YES1: variants seen among roughly 807,000 people sequenced by gnomAD.
The protein encoded by YES1 is tyrosine-protein kinase Yes.
YES1 carries 39 observed loss-of-function variants against 70.4 expected under a neutral mutation model. That is an observed-to-expected ratio of 0.55 (90% CI 0.43 to 0.72). YES1 has a LOEUF of 0.72. Ranked by LOEUF, YES1 falls within the 30% of genes least tolerant of loss-of-function variation. YES1 has a pLI of 0.00. For missense variants in YES1, 495 were observed against 644.8 expected (o/e 0.77, Z 2.52); for synonymous variants, 198 against 218.6 (o/e 0.91, Z 0.83).
At chr18:768,159 C>T (rs1190648174) in intron 1 of YES1, among the ~76,000 whole-genome samples, 1 of 152,198 alleles carries the variant, frequency 6.6e-6, no homozygotes, top group African/African-American at 2.4e-5. Context: ...ACGCACAACA[C>T]ACTAAGTGTG....
At chr18:805,169 T>C (rs1390267499) in intron 1 of YES1, among the ~76,000 whole-genome samples, 1 of 152,146 alleles carries the variant, frequency 6.6e-6, no homozygotes, top group Admixed American at 6.5e-5. Flanking sequence ...GTGAACACTC[T>C]AGAGTGTACT....
chr18:792,585 G>GTA (rs1318360406), intron 1 of YES1, among the ~76,000 whole-genome samples: 6 of 140,150 alleles, frequency 4.3e-5, no homozygotes, highest in Non-Finnish European at 6.2e-5. Context: ...GTGTGTGTGT[G>GTA]TATATACATA....
intron 11 of YES1, among the ~76,000 whole-genome samples, chr18:732,454 A>AC (rs1568184789): frequency 1.4e-5 from 2 of 146,656 alleles, no homozygotes; most frequent in East Asian, 2.0e-4. Context: ...AAAAAAAAAA[A>AC]AAACAAAACA....
chr18:732,127 A>G (rs2080097542), intron 11 of YES1, among the ~76,000 whole-genome samples: 1 of 151,794 alleles, frequency 6.6e-6, no homozygotes, highest in African/African-American at 2.4e-5. Context: ...GAAGAAAACA[A>G]GGCAAGTACA....
chr18:735,161 CAA>C (rs71174281), intron 10 of YES1, among the ~76,000 whole-genome samples: 3 of 110,646 alleles, frequency 2.7e-5, no homozygotes, highest in Admixed American at 9.9e-5. Flanking sequence ...TGTCTCAAAG[CAA>C]AAAAAAAAAA....
At chr18:753,104 C>T (rs1288725281) in intron 2 of YES1, among the ~76,000 whole-genome samples, 2 of 152,008 alleles carry the variant, frequency 1.3e-5, no homozygotes, top group South Asian at 2.1e-4. Flanking sequence ...CAGATGTATA[C>T]AATATGCATG....
intron 1 of YES1, among the ~76,000 whole-genome samples, chr18:797,565 C>T (rs1490279362): frequency 6.6e-6 from 1 of 152,204 alleles, no homozygotes; most frequent in African/African-American, 2.4e-5. Context: ...GTACCACTGA[C>T]AATGACCTAT....
chr18:777,958 C>A (rs1568210934), intron 1 of YES1, among the ~76,000 whole-genome samples: 1 of 152,136 alleles, frequency 6.6e-6, no homozygotes, highest in Admixed American at 6.6e-5. Flanking sequence ...ATGTTGTACA[C>A]ACACATTATG....
intron 1 of YES1, among the ~76,000 whole-genome samples, chr18:785,322 A>G (rs1407967578): frequency 3.2e-4 from 48 of 152,242 alleles, no homozygotes; most frequent in Non-Finnish European, 1.5e-5. Context: ...GAGTTAACTC[A>G]TCTATCTAAA....
At chr18:747,100 T>C (rs149962387) in intron 4 of YES1, among the ~76,000 whole-genome samples, 1 of 152,212 alleles carries the variant, frequency 6.6e-6, no homozygotes, top group Admixed American at 6.5e-5. Context: ...TATTCTTTCA[T>C]GGGCATATTA....
chr18:738,142 C>T (rs2080173932), intron 9 of YES1: 2 of 151,932 alleles, frequency 1.3e-5, no homozygotes, highest in Admixed American at 6.5e-5. Context: ...TGCCTGTTGC[C>T]TATGTATAGT....
chr18:777,679 C>T (rs780949416), intron 1 of YES1, among the ~76,000 whole-genome samples: 5 of 151,798 alleles, frequency 3.3e-5, no homozygotes, highest in Non-Finnish European at 7.4e-5. Flanking sequence ...TGGTGGTGTG[C>T]GCCTGTAATC....
At chr18:766,684 T>C (rs1904925710) in intron 1 of YES1, among the ~76,000 whole-genome samples, 1 of 152,136 alleles carries the variant, frequency 6.6e-6, no homozygotes, top group Admixed American at 6.5e-5. Flanking sequence ...ATTTTGAGCA[T>C]GTTCTCATGT....
At chr18:793,534 A>T (rs1170243188) in intron 1 of YES1, among the ~76,000 whole-genome samples, 1 of 151,946 alleles carries the variant, frequency 6.6e-6, no homozygotes, top group Non-Finnish European at 1.5e-5. Flanking sequence ...ATGGGGTCTC[A>T]CTAAATTGCT....
intron 1 of YES1, among the ~76,000 whole-genome samples, chr18:769,912 G>T (rs970413326): frequency 5.9e-5 from 9 of 151,562 alleles, no homozygotes; most frequent in Non-Finnish European, 1.3e-4. Flanking sequence ...TTGGTATCAG[G>T]ATGTTGGCCT....
At chr18:766,677 T>C (rs779985915) in intron 1 of YES1, among the ~76,000 whole-genome samples, 1 of 152,128 alleles carries the variant, frequency 6.6e-6, no homozygotes, top group African/African-American at 2.4e-5. Flanking sequence ...ACACCTTATT[T>C]TGAGCATGTT....
At chr18:771,684 G>C (rs762568053) in intron 1 of YES1, among the ~76,000 whole-genome samples, 1 of 152,040 alleles carries the variant, frequency 6.6e-6, no homozygotes, top group African/African-American at 2.4e-5. Flanking sequence ...TAGTAGCTGG[G>C]ACCACAGGTG....
intron 4 of YES1, 134 bp downstream of exon 4, chr18:747,786 T>C: frequency 1.4e-6 from 1 of 694,978 alleles, no homozygotes; most frequent in Non-Finnish European, 2.3e-6. Context: ...TTAAGTAACA[T>C]CTATTAATAT....
intron 1 of YES1, among the ~76,000 whole-genome samples, chr18:795,956 G>A (rs997471576): frequency 3.1e-5 from 4 of 128,732 alleles, no homozygotes; most frequent in Admixed American, 7.2e-5. Flanking sequence ...TAAGACCTAT[G>A]AGTAAGTAAA....
Sources: gnomAD v4.1 joint callset for allele counts (sites outside exome capture counted in the v4.1 genomes callset) on GRCh38, gnomAD v4.1.1 for gene constraint, MANE v1.5 for transcripts, NCBI Gene and HGNC (gene_info 2026-07-23, HGNC 2026-07-21) for gene names.